TOX2: variants seen among roughly 807,000 people sequenced by gnomAD.
The protein encoded by TOX2 is granulosa cell HMG box 1.
A neutral mutation model predicts 47.4 loss-of-function variants in TOX2; 15 were observed. That is an observed-to-expected ratio of 0.32 (90% CI 0.21 to 0.49). The LOEUF (loss-of-function observed/expected upper bound fraction) is 0.49. TOX2 is among the 20% of genes least tolerant of loss of function. The pLI is 0.99. For synonymous variants in TOX2, 290 were observed against 296.6 expected (o/e 0.98, Z 0.23); for missense variants, 622 against 673.1 (o/e 0.92, Z 0.84).
intron 2 of TOX2, among the ~76,000 whole-genome samples, chr20:43,974,711 A>C (rs1402739548): frequency 6.6e-6 from 1 of 152,242 alleles, no homozygotes; most frequent in East Asian, 1.9e-4. Context: ...GACAGGTCCC[A>C]TGGAGGCCAT....
intron 1 of TOX2, among the ~76,000 whole-genome samples, chr20:43,930,967 T>C (rs760800437): frequency 4.6e-5 from 7 of 152,184 alleles, no homozygotes; most frequent in Non-Finnish European, 8.8e-5. Flanking sequence ...TGTTTATTGT[T>C]TATGTCCTTC....
rs111951284 is a variant in TOX2 at position 44,053,439 on chromosome 20, T to TACACAC, written c.652-832_652-827dup. ...GCTCACAAGTGGGAGGGCAGATATA[T>TACACAC]ACACACACACACACACACACACACA... On this transcript the variant is annotated intron_variant, in intron 4 of 8. Coordinates refer to ENST00000341197, the MANE Select transcript of TOX2 (RefSeq NM_001098797.2). Among the ~76,000 whole-genome samples, 642 of 143,130 alleles carry TACACAC rather than the reference T, an allele frequency of 4.5e-3. 4 individuals carry two copies. Among genetic ancestry groups the TACACAC allele is most frequent in the African/African-American group, 0.014 (523 of 37,834 alleles). The allele number at this position is 143,130 out of a possible 152,430, so 93.9% of individuals were successfully genotyped here.
chr20:43,954,524 C>T lies in TOX2; in HGVS notation c.100-18843C>T, dbSNP rs184504990. Among the ~76,000 whole-genome samples the T allele has an allele frequency of 5.1e-3, 777 of 152,282 alleles. 4 individuals are homozygous for T. Among genetic ancestry groups the T allele is most frequent in the Middle Eastern group, 0.017 (5 of 294 alleles). On this transcript the variant is annotated intron_variant, in intron 1 of 8. Coordinates refer to ENST00000341197, the MANE Select transcript of TOX2 (RefSeq NM_001098797.2). ...GAGCTGGTATGAAGGGGGCACTCAGCGAACAAACCTCTGCGGAAAGATGAA... is the reference window on the plus strand; with the variant it reads ...GAGCTGGTATGAAGGGGGCACTCAGTGAACAAACCTCTGCGGAAAGATGAA...
At chr20:43,936,976 A>C (rs1283782919) in intron 1 of TOX2, among the ~76,000 whole-genome samples, 1 of 152,216 alleles carries the variant, frequency 6.6e-6, no homozygotes. Flanking sequence ...GCACTGTGGC[A>C]GGGAACAAGA....
intron 1 of TOX2, among the ~76,000 whole-genome samples, chr20:43,969,236 G>A (rs2069917859): frequency 2.0e-5 from 3 of 152,316 alleles, no homozygotes; most frequent in Middle Eastern, 6.8e-3. Flanking sequence ...CGTGTTGAAC[G>A]CTGTGCTGCA....
At chr20:43,953,841 G>A (rs960567459) in intron 1 of TOX2, among the ~76,000 whole-genome samples, 70 of 152,122 alleles carry the variant, frequency 4.6e-4, no homozygotes, top group Non-Finnish European at 5.9e-5. Context: ...GGGTTCTCCT[G>A]GTTTGCGACT....
At chr20:43,973,898 G>A (rs1200333741) in intron 2 of TOX2, among the ~76,000 whole-genome samples, 2 of 152,168 alleles carry the variant, frequency 1.3e-5, no homozygotes, top group Non-Finnish European at 2.9e-5. Flanking sequence ...CAGGGCACAA[G>A]GAAAGAGAGC....
chr20:44,066,215 C>G (rs867668130), intron 7 of TOX2, 108 bp downstream of exon 7: 1 of 1,254,882 alleles, frequency 8.0e-7, no homozygotes, highest in African/African-American at 1.5e-5. Flanking sequence ...TAACCTCAGC[C>G]TTGGCACCTG....
chr20:44,053,540 C>CACACA (rs1457249926), intron 4 of TOX2, among the ~76,000 whole-genome samples: 1 of 47,198 alleles, frequency 2.1e-5, no homozygotes, highest in African/African-American at 5.5e-5. Context: ...TACATATATA[C>CACACA]TATATATATA....
At chr20:43,951,979 C>T (rs965359716) in intron 1 of TOX2, among the ~76,000 whole-genome samples, 2 of 151,942 alleles carry the variant, frequency 1.3e-5, no homozygotes, top group African/African-American at 4.8e-5. Context: ...TCACTGCAAC[C>T]TCCACCTCCT....
chr20:44,023,431 GA>G lies in TOX2; in HGVS notation c.411+16658del, dbSNP rs35627597. ...GGTGACAGAGCTAGACTTTATCTCAGAAAAAAAAAAAAAAAAAAAGGAGGGA... is the reference window on the plus strand; with the variant it reads ...GGTGACAGAGCTAGACTTTATCTCAGAAAAAAAAAAAAAAAAAAGGAGGGA... On this transcript the variant is annotated intron_variant, in intron 3 of 8. Transcript: ENST00000341197. Among the ~76,000 whole-genome samples, 182 of 119,136 alleles carry G rather than the reference GA, an allele frequency of 1.5e-3. 1 individual carries two copies. The South Asian group carries it at 0.026, about 17-fold the overall frequency. The allele number at this position is 119,136 out of a possible 152,430, so 78.2% of individuals were successfully genotyped here. A position where few individuals can be genotyped will look rare whatever the true frequency, so the allele number is the denominator to read the frequency against.
chr20:44,017,889 T>C (rs1192512272), intron 3 of TOX2, among the ~76,000 whole-genome samples: 1 of 152,148 alleles, frequency 6.6e-6, no homozygotes, highest in Non-Finnish European at 1.5e-5. Context: ...ATCTAGCCCA[T>C]GTAGCCTTCC....
chr20:44,056,494 C>T (rs2071619839), intron 5 of TOX2, among the ~76,000 whole-genome samples: 1 of 152,186 alleles, frequency 6.6e-6, no homozygotes, highest in African/African-American at 2.4e-5. Flanking sequence ...TGTCCCCGGG[C>T]ACTCCCTCCA....
intron 1 of TOX2, among the ~76,000 whole-genome samples, chr20:43,917,136 A>T (rs2069064029): frequency 6.6e-6 from 1 of 152,124 alleles, no homozygotes; most frequent in Admixed American, 6.6e-5. Context: ...TGGATGTGAA[A>T]TCTGCTACTC....
chr20:44,033,876 G>A (rs1176373099), intron 3 of TOX2, among the ~76,000 whole-genome samples: 1 of 152,136 alleles, frequency 6.6e-6, no homozygotes, highest in Non-Finnish European at 1.5e-5. Context: ...AGTAGCAACA[G>A]GAAACTAATA....
intron 6 of TOX2, 86 bp from the exon 7 acceptor site, chr20:44,065,626 G>T: frequency 6.8e-7 from 1 of 1,463,052 alleles, no homozygotes; most frequent in South Asian, 1.4e-5. Flanking sequence ...CCGTGTCAGT[G>T]GGTTGCAGAG....
At chr20:43,955,068 C>G (rs1226955636) in intron 1 of TOX2, 1 of 217,276 alleles carries the variant, frequency 4.6e-6, no homozygotes, top group Non-Finnish European at 7.8e-6. Context: ...TGACGCGAGG[C>G]TCTTTGTAAT....
At chr20:43,972,586 A>G (rs2069994303) in intron 1 of TOX2, among the ~76,000 whole-genome samples, 1 of 152,206 alleles carries the variant, frequency 6.6e-6, no homozygotes. Context: ...GCAACATCCT[A>G]TGAGGAGGGG....
In TOX2 at chr20:44,064,827, G is replaced by A. The variant is rs542046929; in HGVS notation, c.930G>A (p.Leu310=). The change falls in exon 6 of 9, where the codon CTG becomes CTA. Residue 310 remains leucine (L), a synonymous_variant. Coordinates refer to ENST00000341197, the MANE Select transcript of TOX2 (RefSeq NM_001098797.2). ...CAAAGAAGGAATATCTGAAGGCCCTGGCAGCCTACCGGGCTAGCCTCGTCT... is the reference window on the plus strand; with the variant it reads ...CAAAGAAGGAATATCTGAAGGCCCTAGCAGCCTACCGGGCTAGCCTCGTCT... ...EAAKKEYLKA[L]AAYRASLVSK... 2.0e-5 allele frequency: 32 copies of A among 1,614,178 alleles called. No individual in the cohort carries two copies. The South Asian group carries it at 3.1e-4, about 16-fold the overall frequency.
Sources: allele counts gnomAD v4.1 joint callset (sites outside exome capture counted in the v4.1 genomes callset), GRCh38; gene constraint gnomAD v4.1.1; transcripts MANE v1.5; gene names NCBI Gene and HGNC (gene_info 2026-07-23, HGNC 2026-07-21).